Variants in SMYD3 observed in about 807,000 individuals in gnomAD.
The protein encoded by SMYD3 is SET and MYND domain containing 3.
In SMYD3, 36 loss-of-function variants were observed where a neutral mutation model predicts 57.7. The observed-to-expected ratio is 0.62, with a 90% CI of 0.48 to 0.82. The LOEUF (loss-of-function observed/expected upper bound fraction) is 0.82. Among genes scored for constraint, SMYD3 ranks in the 40% least tolerant of loss-of-function variants. The pLI is 0.00. For missense variants in SMYD3, 515 were observed against 538.8 expected (o/e 0.96, Z 0.44); for synonymous variants, 211 against 195.0 (o/e 1.08, Z -0.68).
intron 1 of SMYD3, among the ~76,000 whole-genome samples, chr1:246,496,219 AGAGATGGGATTTCACCATGTT>A (rs2068358367): frequency 6.6e-6 from 1 of 151,680 alleles, no homozygotes. Flanking sequence ...TATTTTTAGT[AGAGATGGGATTTCACCATGTT>A]GGCCAGGATG....
intron 5 of SMYD3, among the ~76,000 whole-genome samples, chr1:246,137,831 C>T (rs191265899): frequency 3.0e-4 from 45 of 152,146 alleles, no homozygotes; most frequent in African/African-American, 9.4e-4. Flanking sequence ...AAGGTATTTC[C>T]ATTACATTTT....
intron 5 of SMYD3, among the ~76,000 whole-genome samples, chr1:246,318,573 G>C (rs2065200354): frequency 6.6e-6 from 1 of 152,138 alleles, no homozygotes; most frequent in Admixed American, 6.5e-5. Context: ...CATTCTAGTA[G>C]AGAGACACAG....
intron 5 of SMYD3, among the ~76,000 whole-genome samples, chr1:246,143,550 C>T (rs983048428): frequency 6.6e-6 from 1 of 152,090 alleles, no homozygotes; most frequent in African/African-American, 2.4e-5. Flanking sequence ...TGGCTACGGT[C>T]CCAGCTACTT....
At chr1:246,218,349 C>A (rs1057350635) in intron 5 of SMYD3, among the ~76,000 whole-genome samples, 1 of 151,992 alleles carries the variant, frequency 6.6e-6, no homozygotes, top group African/African-American at 2.4e-5. Context: ...ACAGGCCGGG[C>A]GCGGTGGCTC....
intron 1 of SMYD3, among the ~76,000 whole-genome samples, chr1:246,506,529 CCA>C (rs2068540867): frequency 1.3e-5 from 2 of 152,158 alleles, no homozygotes; most frequent in African/African-American, 2.4e-5. Flanking sequence ...TATCCCCAGG[CCA>C]CACACAACCC....
intron 4 of SMYD3, among the ~76,000 whole-genome samples, chr1:246,329,920 T>C (rs2065430631): frequency 6.6e-6 from 1 of 152,154 alleles, no homozygotes; most frequent in African/African-American, 2.4e-5. Context: ...TCTGCGCCAA[T>C]ACAAAATCAA....
At chr1:245,971,522 A>G (rs919082750) in intron 5 of SMYD3, among the ~76,000 whole-genome samples, 1 of 152,124 alleles carries the variant, frequency 6.6e-6, no homozygotes, top group Admixed American at 6.5e-5. Context: ...AGTTTATACA[A>G]TCTATTAAGA....
intron 1 of SMYD3, among the ~76,000 whole-genome samples, chr1:246,454,589 C>T (rs2067674854): frequency 1.3e-5 from 2 of 152,108 alleles, no homozygotes; most frequent in South Asian, 2.1e-4. Flanking sequence ...AAATAATCCA[C>T]GGCAGTAGTA....
chr1:245,754,896 G>C (rs1162905407), intron 11 of SMYD3, among the ~76,000 whole-genome samples: 1 of 152,234 alleles, frequency 6.6e-6, no homozygotes, highest in African/African-American at 2.4e-5. Context: ...GAGATGCAAA[G>C]TGCTGGGGCG....
chr1:246,183,707 G>T (rs1031051574), intron 5 of SMYD3, among the ~76,000 whole-genome samples: 1 of 152,144 alleles, frequency 6.6e-6, no homozygotes, highest in Non-Finnish European at 1.5e-5. Flanking sequence ...TGAAAATTGA[G>T]ATTTCCAAAC....
intron 1 of SMYD3, among the ~76,000 whole-genome samples, chr1:246,503,115 C>G (rs1324646648): frequency 1.3e-5 from 2 of 152,208 alleles, no homozygotes; most frequent in African/African-American, 2.4e-5. Context: ...CACCCTAACC[C>G]TAGAACTTTA....
chr1:246,124,549 A>G (rs1442943745), intron 5 of SMYD3, among the ~76,000 whole-genome samples: 1 of 152,222 alleles, frequency 6.6e-6, no homozygotes, highest in South Asian at 2.1e-4. Flanking sequence ...TATTAGGTGC[A>G]AAACACTGAG....
intron 5 of SMYD3, among the ~76,000 whole-genome samples, chr1:246,146,172 A>T (rs1046936219): frequency 1.3e-5 from 2 of 152,226 alleles, no homozygotes; most frequent in Admixed American, 1.3e-4. Context: ...GTTCTCCGAT[A>T]AGGAAAATAC....
At chr1:245,963,603 A>C (rs2058065667) in intron 5 of SMYD3, among the ~76,000 whole-genome samples, 1 of 151,958 alleles carries the variant, frequency 6.6e-6, no homozygotes, top group South Asian at 2.1e-4. Context: ...TTATGCTTCC[A>C]GTGGAAAAAG....
At chr1:245,891,438 A>C (rs1324673361) in intron 8 of SMYD3, among the ~76,000 whole-genome samples, 2 of 152,254 alleles carry the variant, frequency 1.3e-5, no homozygotes, top group Non-Finnish European at 1.5e-5. Context: ...TTGGGAAATA[A>C]ACTGCAGAGA....
chr1:246,248,718 T>C (rs984719096), intron 5 of SMYD3, among the ~76,000 whole-genome samples: 2 of 145,354 alleles, frequency 1.4e-5, no homozygotes, highest in African/African-American at 2.5e-5. Flanking sequence ...CTTGGCTCAC[T>C]GCAAGCTCTG....
intron 5 of SMYD3, among the ~76,000 whole-genome samples, chr1:246,256,521 T>C (rs2063897626): frequency 6.6e-6 from 1 of 152,094 alleles, no homozygotes; most frequent in African/African-American, 2.4e-5. Flanking sequence ...GTGGGATCGG[T>C]TGTAATGTCA....
chr1:245,798,412 A>ACACACACC, intron 10 of SMYD3, among the ~76,000 whole-genome samples: 1 of 145,434 alleles, frequency 6.9e-6, no homozygotes, highest in African/African-American at 2.6e-5. Context: ...ACACATACAC[A>ACACACACC]CACATACACA....
intron 5 of SMYD3, among the ~76,000 whole-genome samples, chr1:246,089,371 C>T (rs1399741546): frequency 6.6e-6 from 1 of 152,200 alleles, no homozygotes; most frequent in East Asian, 1.9e-4. Flanking sequence ...GCATGAGTTA[C>T]ATTTTCCATG....
Sources: gnomAD v4.1 joint callset for allele counts (sites outside exome capture counted in the v4.1 genomes callset) on GRCh38, gnomAD v4.1.1 for gene constraint, MANE v1.5 for transcripts, NCBI Gene and HGNC (gene_info 2026-07-23, HGNC 2026-07-21) for gene names.